ATP6V0E2: variants seen among roughly 807,000 people sequenced by gnomAD.
ATP6V0E2 encodes ATPase H+ transporting V0 subunit e2, also known as V-type proton ATPase subunit e 2.
A neutral mutation model predicts 11.5 loss-of-function variants in ATP6V0E2; 4 were observed. That is an observed-to-expected ratio of 0.35 (90% confidence interval 0.17 to 0.80). ATP6V0E2 has a LOEUF of 0.80. ATP6V0E2 is among the 30% of genes least tolerant of loss of function. The probability of loss-of-function intolerance (pLI) is 0.53; values close to 1 mark genes in which losing one functional copy is unlikely to be tolerated. For missense variants in ATP6V0E2, 93 were observed against 113.5 expected (o/e 0.82, Z 0.82); for synonymous variants, 52 against 51.0 (o/e 1.02, Z -0.09).
intron 2 of ATP6V0E2, among the ~76,000 whole-genome samples, chr7:149,876,307 C>T (rs980889070): frequency 6.6e-6 from 1 of 152,098 alleles, no homozygotes; most frequent in Non-Finnish European, 1.5e-5. Flanking sequence ...ACCCGGGAGA[C>T]GGAGGTTGCG....
In ATP6V0E2 at chr7:149,878,686, T is replaced by C. The variant is rs749607674; in HGVS notation, c.161T>C (p.Ile54Thr). 1.9e-6 allele frequency: 3 copies of C among 1,611,546 alleles called. No homozygotes were observed. Among genetic ancestry groups the C allele is most frequent in the Non-Finnish European group, 2.5e-6 (3 of 1,179,760 alleles). Reference sequence around the variant, plus strand: ...TTTGCTGTCCCTGGCAGCTGGCTCATCGCCATCCTGGCGCAGCTGAACCCC... The same window carrying C: ...TTTGCTGTCCCTGGCAGCTGGCTCACCGCCATCCTGGCGCAGCTGAACCCC... ...TAVCCYLFWL[I>T]AILAQLNPLF... The change falls in exon 3 of 4, where the codon ATC becomes ACC. Residue 54 changes from isoleucine (I) to threonine (T), a missense_variant. Coordinates refer to ENST00000425642, the MANE Select transcript of ATP6V0E2 (RefSeq NM_145230.4).
chr7:149,878,366 ACAGCTGGGAGTC>A (rs1455748674), intron 2 of ATP6V0E2, among the ~76,000 whole-genome samples: 1 of 152,136 alleles, frequency 6.6e-6, no homozygotes, highest in African/African-American at 2.4e-5. Flanking sequence ...GTGTGAGGGC[ACAGCTGGGAGTC>A]GCTCCCAAAG....
At chr7:149,875,760 T>G (rs1426270420) in intron 2 of ATP6V0E2, 115 bp downstream of exon 2, 1 of 1,019,018 alleles carries the variant, frequency 9.8e-7, no homozygotes, top group Non-Finnish European at 1.5e-6. Context: ...CTTGAAAGGC[T>G]GAACCTATAA....
rs780009148 is a variant in ATP6V0E2 at position 149,875,605 on chromosome 7, A to G, written c.112A>G (p.Ile38Val). The G allele has an allele frequency of 1.2e-6, 2 of 1,613,818 alleles. No individual in the cohort carries two copies. The highest frequency in any genetic ancestry group is 2.2e-5 in the South Asian group (2 of 91,078). ...VPKGPNRGVI[I>V]TMLVATAVCC... Reference sequence around the variant, plus strand: ...TGTCCTCTTCTGCTGCAGAGTGATCATCACCATGCTGGTCGCCACCGCCGT... The same window carrying G: ...TGTCCTCTTCTGCTGCAGAGTGATCGTCACCATGCTGGTCGCCACCGCCGT... Residue 38 changes from isoleucine to valine, a missense_variant, in exon 2 of 4, where the codon ATC (isoleucine) becomes GTC (valine). Transcript: ENST00000425642.
intron 2 of ATP6V0E2, chr7:149,875,857 C>T (rs967047434): frequency 1.2e-5 from 8 of 684,854 alleles, no homozygotes; most frequent in Non-Finnish European, 1.9e-5. Flanking sequence ...TGGCTCTGCC[C>T]CCAGAGTTCT....
chr7:149,874,144 T>G lies in ATP6V0E2; in HGVS notation c.79T>G (p.Phe27Val). Residue 27 changes from phenylalanine to valine, a missense_variant, in exon 1 of 4, where the codon TTC becomes GTC. Physicochemically the swap from Phe to Val is conservative, Grantham distance 50. Coordinates refer to ENST00000425642, the MANE Select transcript of ATP6V0E2 (RefSeq NM_145230.4). ...WGLVGIAGPW[F>V]VPKGPNRGVI... is the part of the protein sequence containing the mutation. ...CCTCGTCGGCATCGCCGGGCCCTGG[T>G]TCGTGCCGAAGGGACCCAACCGCGG... 6.5e-7 allele frequency: 1 copy of G among 1,549,594 alleles called. No homozygotes were observed. Among genetic ancestry groups the G allele is most frequent in the Non-Finnish European group, 8.7e-7 (1 of 1,146,468 alleles).
chr7:149,874,037 C>T lies in ATP6V0E2; in HGVS notation c.-29C>T, dbSNP rs1563135433. On this transcript the variant is annotated 5_prime_UTR_variant, in exon 1 of 4. Coordinates refer to ENST00000425642, the MANE Select transcript of ATP6V0E2 (RefSeq NM_145230.4). ...CTGCAGCGCCCGCTGCTCGGCCCTG[C>T]ATCCTGCCTGGGCATCCTGCGCCCG... 13 of 1,549,500 alleles carry T rather than the reference C, an allele frequency of 8.4e-6. No individual in the cohort carries two copies. The highest frequency in any genetic ancestry group is 2.0e-5 in the Admixed American group (1 of 50,990).
chr7:149,877,059 TATTG>T (rs1030324473), intron 2 of ATP6V0E2, among the ~76,000 whole-genome samples: 5 of 89,396 alleles, frequency 5.6e-5, no homozygotes, highest in African/African-American at 9.6e-5. Flanking sequence ...CCTTATGTTT[TATTG>T]ATTGATTGAT....
intron 2 of ATP6V0E2, among the ~76,000 whole-genome samples, chr7:149,877,845 T>C (rs190486920): frequency 2.8e-4 from 43 of 152,342 alleles, no homozygotes; most frequent in African/African-American, 9.6e-4. Flanking sequence ...TAAGAAAATG[T>C]TACGCCTAGA....
At position 149,878,692 on chromosome 7, in the gene ATP6V0E2, T is replaced by C; in HGVS notation, c.167T>C (p.Ile56Thr). 1.9e-6 allele frequency: 3 copies of C among 1,612,138 alleles called. No individual in the cohort carries two copies. The highest frequency in any genetic ancestry group is 2.5e-6 in the Non-Finnish European group (3 of 1,179,802). Residue 56 changes from isoleucine (I) to threonine (T), a missense_variant, in exon 3 of 4, where the codon ATC becomes ACC. By Grantham distance (89) the Ile-to-Thr change is moderately conservative. Transcript: ENST00000425642. ...VCCYLFWLIAILAQLNPLFGP... is the reference protein window; with the variant it reads ...VCCYLFWLIATLAQLNPLFGP... ...GTCCCTGGCAGCTGGCTCATCGCCA[T>C]CCTGGCGCAGCTGAACCCCCTGTTC...
intron 2 of ATP6V0E2, 41 bp from the exon 3 acceptor site, chr7:149,878,637 C>A (rs760187136): frequency 5.8e-6 from 9 of 1,555,298 alleles, no homozygotes; most frequent in Non-Finnish European, 7.8e-6. Context: ...GTGGGAGGAC[C>A]CTCCTGTGCC....
At chr7:149,876,129 G>A in intron 2 of ATP6V0E2, 2 of 455,776 alleles carry the variant, frequency 4.4e-6, no homozygotes, top group Non-Finnish European at 8.8e-6. Context: ...TGTAATCCCA[G>A]CACTTTGGGA....
At position 149,879,462 on chromosome 7, in the gene ATP6V0E2, G is replaced by T. The variant is rs1244657342; in HGVS notation, c.*147G>T. ...GGCACCCAGAGACCCGGACCCGCAG[G>T]GCCTGCCTGGTTCCTGGAAGTCTTC... On this transcript the variant is annotated 3_prime_UTR_variant, in exon 4 of 4. Transcript: ENST00000425642. 2.5e-6 allele frequency: 4 copies of T among 1,594,720 alleles called. No individual in the cohort carries two copies. The highest frequency in any genetic ancestry group is 3.4e-6 in the Non-Finnish European group (4 of 1,171,332).
rs1803323334 is a variant in ATP6V0E2 at position 149,879,360 on chromosome 7, G to A, written c.*45G>A. The A allele has an allele frequency of 6.4e-7, 1 of 1,558,724 alleles. No individual in the cohort carries two copies. The highest frequency in any genetic ancestry group is 2.3e-5 in the East Asian group (1 of 42,570). On this transcript the variant is annotated 3_prime_UTR_variant, in exon 4 of 4. Transcript: ENST00000425642. ...GTGCCCAGCTCTCGGAATGACTGTG[G>A]CTCCACTGTCCCTGACAACCCCTTC...
In ATP6V0E2 at chr7:149,879,424, G is replaced by T. The variant is rs200193215; in HGVS notation, c.*109G>T. The T allele has an allele frequency of 1.0e-4, 162 of 1,604,392 alleles. 1 individual carries two copies. Among genetic ancestry groups the T allele is most frequent in the Non-Finnish European group, 1.3e-4 (157 of 1,175,884 alleles). ...CCCACACAACTATGTCTGGTCACCA[G>T]CTCCCTCCTGCTGGCACCCAGAGAC... is the stretch of plus-strand genomic sequence containing the variant. On this transcript the variant is annotated 3_prime_UTR_variant, in exon 4 of 4. Transcript: ENST00000425642.
chr7:149,873,835 C>T (rs1802962125), upstream of ATP6V0E2: 6 of 1,437,426 alleles, frequency 4.2e-6, no homozygotes, highest in South Asian at 8.8e-5. Flanking sequence ...CGGCATTTCT[C>T]TCTGTCCGCG....
At chr7:149,875,922 CA>C in intron 2 of ATP6V0E2, 1 of 654,252 alleles carries the variant, frequency 1.5e-6, no homozygotes, top group South Asian at 1.5e-5. Flanking sequence ...CAGGCCACCT[CA>C]GTGCTGTCTG....
chr7:149,878,231 C>T lies in ATP6V0E2; in HGVS notation c.153-447C>T, dbSNP rs117106708. ...CAGCCTGAACAGGAGGCCCCTGACC[C>T]GTCAGCTCCTCACGTCTTGGGGTAG... On this transcript the variant is annotated intron_variant, in intron 2 of 3. Coordinates refer to ENST00000425642, the MANE Select transcript of ATP6V0E2 (RefSeq NM_145230.4). Among the ~76,000 whole-genome samples the T allele has an allele frequency of 2.3e-3, 349 of 152,340 alleles. 6 individuals are homozygous for T. The East Asian group carries it at 0.043, about 19-fold the overall frequency.
At chr7:149,873,965 T>G, upstream of ATP6V0E2, 2 of 1,546,578 alleles carry the variant, frequency 1.3e-6, no homozygotes, top group Non-Finnish European at 1.7e-6. Context: ...GGTGCTCGAC[T>G]CCTGTTGCGC....
Sources: gnomAD v4.1 joint callset for allele counts (sites outside exome capture counted in the v4.1 genomes callset) on GRCh38, gnomAD v4.1.1 for gene constraint, MANE v1.5 for transcripts, NCBI Gene and HGNC (gene_info 2026-07-23, HGNC 2026-07-21) for gene names.